TRIM49C: variants seen among roughly 807,000 people sequenced by gnomAD.
TRIM49C encodes the protein tripartite motif-containing protein 49C.
In TRIM49C, 6 loss-of-function variants were observed where a neutral mutation model predicts 21.4. That is an observed-to-expected ratio of 0.28 (90% confidence interval 0.15 to 0.55). The LOEUF (loss-of-function observed/expected upper bound fraction) is 0.55. TRIM49C is among the 20% of genes least tolerant of loss of function. TRIM49C has a pLI of 0.94. For missense variants in TRIM49C, 161 were observed against 442.4 expected (o/e 0.36, Z 5.71); for synonymous variants, 57 against 148.1 (o/e 0.38, Z 4.47).
chr11:90,038,577 G>A (rs564737973), intron 5 of TRIM49C, 116 bp from the exon 6 acceptor site: 5 of 1,200,052 alleles, frequency 4.2e-6, no homozygotes, highest in Non-Finnish European at 5.6e-6. Context: ...CTTTCCAGAA[G>A]AGAAGATGGT....
chr11:90,046,146 G>T (rs892428699), downstream of TRIM49C, among the ~76,000 whole-genome samples: 5 of 124,168 alleles, frequency 4.0e-5, 1 homozygote, highest in African/African-American at 1.6e-4. Context: ...GCTCTTGGTG[G>T]ATAAGCTTTT....
intron 6 of TRIM49C, among the ~76,000 whole-genome samples, chr11:90,038,958 C>G (rs1348622685): frequency 7.3e-6 from 1 of 137,572 alleles, no homozygotes; most frequent in Non-Finnish European, 1.6e-5. Flanking sequence ...CTGGCTCTGT[C>G]GCCCAGGCTG....
rs374297173 is a variant in TRIM49C, at chr11:90,038,676, CTTT to C, written c.739-6_739-4del. On this transcript the variant is annotated splice_polypyrimidine_tract_variant and intron_variant, in intron 5 of 7. Coordinates refer to ENST00000448984, the MANE Select transcript of TRIM49C (RefSeq NM_001195234.1). ...TTGTGAAATGCACTAAATCTTTCTT[CTTT>C]TTTTTTTTTTCAGGCTTTTGGAGAC... is the stretch of plus-strand genomic sequence containing the variant. The C allele has an allele frequency of 1.2e-3, 961 of 815,828 alleles. 8 individuals carry two copies. In the African/African-American group the frequency reaches 0.014, roughly 12 times the overall value. The allele number at this position is 815,828 out of a possible 1,614,324, so 50.5% of individuals were successfully genotyped here.
rs71240007 is a variant in TRIM49C, at chr11:90,041,229, T to C, written c.1038T>C (p.His346=). ...FTSGKYYWEV[H]VGDSWNWAFG... is the part of the protein sequence containing the mutation. ...CGGGCAAATATTACTGGGAGGTCCA[T>C]GTAGGGGACTCCTGGAATTGGGCTT... The change falls in exon 8 of 8, where the codon CAT becomes CAC. Residue 346 remains histidine (H), a synonymous_variant. Transcript: ENST00000448984. 0.28 allele frequency: 400,762 copies of C among 1,450,740 alleles called. 43,832 individuals are homozygous for C. The highest frequency in any genetic ancestry group is 0.51 in the Admixed American group (27,954 of 55,054). The allele number at this position is 1,450,740 out of a possible 1,614,324, so 89.9% of individuals were successfully genotyped here.
the TRIM49C span, chr11:90,052,303 G>C: frequency 9.2e-6 from 2 of 216,352 alleles, no homozygotes; most frequent in Non-Finnish European, 1.8e-5. Context: ...AGAATTTCCT[G>C]AGTCGCCAGG....
the TRIM49C span, chr11:90,057,788 G>C: frequency 1.7e-6 from 2 of 1,183,186 alleles, no homozygotes; most frequent in South Asian, 3.0e-5. Context: ...AGTTGGTGGA[G>C]AGACTATAGT....
intron 4 of TRIM49C, among the ~76,000 whole-genome samples, chr11:90,037,258 G>A (rs1950735307): frequency 7.5e-6 from 1 of 133,572 alleles, no homozygotes; most frequent in African/African-American, 2.6e-5. Flanking sequence ...AATGAATTCA[G>A]GGAGACAAAG....
At chr11:90,072,087 T>C in the TRIM49C span, among the ~76,000 whole-genome samples, 1 of 141,478 alleles carries the variant, frequency 7.1e-6, no homozygotes, top group Non-Finnish European at 1.5e-5. Context: ...AATTATTACA[T>C]GAAGTATACA....
At chr11:90,046,198 C>T (rs3956295), downstream of TRIM49C, among the ~76,000 whole-genome samples, 9 of 125,262 alleles carry the variant, frequency 7.2e-5, 2 homozygotes, top group Admixed American at 2.7e-4. Context: ...TTATTGAGAA[C>T]TTTTGCATCG....
At chr11:90,043,201 A>C (rs1424207263), downstream of TRIM49C, among the ~76,000 whole-genome samples, 3 of 145,992 alleles carry the variant, frequency 2.1e-5, no homozygotes, top group Non-Finnish European at 4.5e-5. Flanking sequence ...AAGGAGTGAG[A>C]ATGGCTTGTG....
At chr11:90,043,622 CT>C (rs1297485862), downstream of TRIM49C, among the ~76,000 whole-genome samples, 1 of 119,108 alleles carries the variant, frequency 8.4e-6, no homozygotes, top group Non-Finnish European at 1.7e-5. Context: ...GGATGAAGTG[CT>C]TTATTACCAA....
chr11:90,036,701 G>C (rs1231582548), intron 4 of TRIM49C, among the ~76,000 whole-genome samples: 2 of 138,378 alleles, frequency 1.4e-5, no homozygotes, highest in Non-Finnish European at 3.1e-5. Context: ...TGAGAACCTA[G>C]TCTATGTTGA....
the TRIM49C span, chr11:90,052,497 C>T: frequency 5.4e-6 from 1 of 186,770 alleles, no homozygotes; most frequent in Non-Finnish European, 1.0e-5. Context: ...GCTCGCAGTT[C>T]CTGACCCTCT....
At chr11:90,068,998 A>C in the TRIM49C span, among the ~76,000 whole-genome samples, 1 of 123,704 alleles carries the variant, frequency 8.1e-6, no homozygotes, top group African/African-American at 3.4e-5. Flanking sequence ...AAGAAAAAAA[A>C]AATTGATAGA....
chr11:90,046,666 T>C (rs1271040637), downstream of TRIM49C, among the ~76,000 whole-genome samples: 1 of 124,196 alleles, frequency 8.1e-6, no homozygotes, highest in African/African-American at 3.3e-5. Flanking sequence ...CTTTTCTTCT[T>C]TATTAGTCTT....
At chr11:90,069,443 G>A in the TRIM49C span, among the ~76,000 whole-genome samples, 2 of 131,778 alleles carry the variant, frequency 1.5e-5, no homozygotes, top group East Asian at 4.6e-4. Flanking sequence ...ACTATGGTCA[G>A]AAAAGACATA....
the TRIM49C span, among the ~76,000 whole-genome samples, chr11:90,055,956 C>CTT: frequency 9.9e-4 from 97 of 97,838 alleles, 3 homozygotes; most frequent in East Asian, 2.9e-3. Context: ...CATCTGGATT[C>CTT]TTTTTTTTTT....
At chr11:90,036,590 G>T (rs1950728984) in intron 4 of TRIM49C, among the ~76,000 whole-genome samples, 1 of 134,252 alleles carries the variant, frequency 7.4e-6, no homozygotes, top group Non-Finnish European at 1.6e-5. Flanking sequence ...AACATAAGGA[G>T]AACTCTGAGG....
chr11:90,044,013 G>C (rs1420354980), downstream of TRIM49C, among the ~76,000 whole-genome samples: 94 of 53,530 alleles, frequency 1.8e-3, 11 homozygotes, highest in African/African-American at 7.5e-3. Context: ...ACCTATGAGT[G>C]AGAATATGCA....
Sources: allele counts gnomAD v4.1 joint callset (sites outside exome capture counted in the v4.1 genomes callset), GRCh38; gene constraint gnomAD v4.1.1; transcripts MANE v1.5; gene names NCBI Gene and HGNC (gene_info 2026-07-23, HGNC 2026-07-21).